Variants in CDKN1C observed in about 807,000 individuals in gnomAD.
CDKN1C encodes cyclin dependent kinase inhibitor 1C.
A neutral mutation model predicts 16.5 loss-of-function variants in CDKN1C; 7 were observed. That is an observed-to-expected ratio of 0.42 (90% CI 0.24 to 0.80). The LOEUF (loss-of-function observed/expected upper bound fraction) is 0.80. Among genes scored for constraint, CDKN1C ranks in the 30% least tolerant of loss-of-function variants. CDKN1C has a pLI of 0.26. For missense variants in CDKN1C, 429 were observed against 437.3 expected, an observed-to-expected ratio of 0.98 and a Z score of 0.17; for synonymous variants, 288 against 214.4, an observed-to-expected ratio of 1.34 and a Z score of -3.00.
chr11:2,885,416 A>G lies in CDKN1C; in HGVS notation c.41T>C (p.Val14Ala). 6.4e-7 allele frequency: 1 copy of G among 1,552,494 alleles called. No homozygotes were observed. Among genetic ancestry groups the G allele is most frequent in the Non-Finnish European group, 8.7e-7 (1 of 1,151,458 alleles). Residue 14 changes from valine (V) to alanine (A), a missense_variant, in exon 2 of 4, where the codon GTG (valine) becomes GCG (alanine). Transcript: ENST00000440480. ...GAGGCTGCGGCAGGCGCTGGTGCGC[A>G]CTAGTACTGGGAAGGTCCCACGGGC... is the stretch of plus-strand genomic sequence containing the variant. ...LVARGTFPVL[V>A]RTSACRSLFG...
In CDKN1C at chr11:2,883,703, G is replaced by T; in HGVS notation, c.*218C>A. The T allele has an allele frequency of 8.6e-7, 1 of 1,158,318 alleles. No homozygotes were observed. Among genetic ancestry groups the T allele is most frequent in the Non-Finnish European group, 1.1e-6 (1 of 876,586 alleles). The allele number at this position is 1,158,318 out of a possible 1,614,324, so 71.8% of individuals were successfully genotyped here. ...AATGACTCTTAAAGCTTTACACCTT[G>T]GGACCAGTGTACCTTCTCGTGCAGA... On this transcript the variant is annotated 3_prime_UTR_variant, in exon 4 of 4. Coordinates refer to ENST00000440480, the MANE Select transcript of CDKN1C (RefSeq NM_001122630.2).
rs780417247 is a variant in CDKN1C, at chr11:2,884,049, A to G, written c.873T>C (p.Pro291=). ...GGGTCTGCTCCACCGAGCCCACGCCAGGGGCGGCGCTTGGAGAGGGACACG... is the reference window on the plus strand; with the variant it reads ...GGGTCTGCTCCACCGAGCCCACGCCGGGGGCGGCGCTTGGAGAGGGACACG... ...PAPCPSPSAA[P]GVGSVEQTPR... The change falls in exon 3 of 4, where the codon CCT becomes CCC. Residue 291 remains proline, a synonymous_variant. Transcript: ENST00000440480. 28 of 1,555,032 alleles carry G rather than the reference A, an allele frequency of 1.8e-5. No individual in the cohort carries two copies. Among genetic ancestry groups the G allele is most frequent in the Non-Finnish European group, 2.3e-5 (27 of 1,150,014 alleles).
intron 2 of CDKN1C, 83 bp from the exon 3 acceptor site, chr11:2,884,217 G>A: frequency 1.8e-6 from 2 of 1,105,198 alleles, no homozygotes; most frequent in Non-Finnish European, 2.2e-6. Flanking sequence ...CGCGGGGCGC[G>A]GGCCGGCCGG....
chr11:2,885,557 G>C (rs994635074), intron 1 of CDKN1C, 77 bp downstream of exon 1: 6 of 1,525,538 alleles, frequency 3.9e-6, no homozygotes, highest in African/African-American at 1.4e-5. Context: ...GAAAGGAGAG[G>C]AGGAGAGGGC....
At chr11:2,884,241 T>G in intron 2 of CDKN1C, 107 bp from the exon 3 acceptor site, 1 of 740,190 alleles carries the variant, frequency 1.4e-6, no homozygotes, top group Non-Finnish European at 1.7e-6. Flanking sequence ...GGGGGCGCCG[T>G]CCCCGCCCGC....
In CDKN1C at chr11:2,883,974, G is replaced by GT. The variant is rs1554937434; in HGVS notation, c.*5+24_*5+25insA. The GT allele has an allele frequency of 1.9e-5, 29 of 1,554,014 alleles. No individual in the cohort carries two copies. In the Admixed American group the frequency reaches 5.1e-4, roughly 28 times the overall value. Reference sequence around the variant, plus strand: ...GGGACCCGGCGGGTCGGCCCTCCGCGCCCCCCCAGGTGCGCTGTACTCACT... The same window carrying GT: ...GGGACCCGGCGGGTCGGCCCTCCGCGTCCCCCCCAGGTGCGCTGTACTCACT... On this transcript the variant is annotated intron_variant, in intron 3 of 3. Coordinates refer to ENST00000440480, the MANE Select transcript of CDKN1C (RefSeq NM_001122630.2).
chr11:2,885,123 C>G lies in CDKN1C; in HGVS notation c.334G>C (p.Ala112Pro). ...TCCTCGAGGCCGTCGAGGGACTCAG[C>G]GGCCGGCTCGAGGGGCGGGCTGACA... The part of the protein sequence containing the change: ...VAVSPPLEPA[A>P]ESLDGLEEAP... The change falls in exon 2 of 4, where the codon GCT becomes CCT. Residue 112 changes from alanine to proline, a missense_variant. Transcript: ENST00000440480. The G allele has an allele frequency of 6.8e-7, 1 of 1,469,064 alleles. No individual in the cohort carries two copies. Among genetic ancestry groups the G allele is most frequent in the Non-Finnish European group, 8.9e-7 (1 of 1,121,412 alleles). 91.0% of individuals were successfully genotyped at this position (1,469,064 alleles called of 1,614,324 possible).
rs772704243 is a variant in CDKN1C at position 2,884,840 on chromosome 11, T to TCCGGGG, written c.611_616dup (p.Ala204_Pro205dup). The stretch of plus-strand genomic sequence containing the variant: ...CTCGGCGCTCTCTTGAGGCGCCGCG[T>TCCGGGG]CCGGGGCCGGGGCCGGGGCGGGGGC... On this transcript the variant is annotated inframe_insertion, in exon 2 of 4. Transcript: ENST00000440480. The TCCGGGG allele has an allele frequency of 1.2e-4, 134 of 1,129,312 alleles. No homozygotes were observed. The highest frequency in any genetic ancestry group is 1.2e-3 in the South Asian group (40 of 33,874). The allele number at this position is 1,129,312 out of a possible 1,614,324, so 70.0% of individuals were successfully genotyped here. A position where few individuals can be genotyped will look rare whatever the true frequency, so the allele number is the denominator to read the frequency against.
Position 2,883,700 on chromosome 11 carries a change from C to A in CDKN1C, c.*221G>T. 3.5e-6 allele frequency: 4 copies of A among 1,157,608 alleles called. No homozygotes were observed. Among genetic ancestry groups the A allele is most frequent in the Non-Finnish European group, 4.6e-6 (4 of 874,948 alleles). The allele number at this position is 1,157,608 out of a possible 1,614,324, so 71.7% of individuals were successfully genotyped here. The stretch of plus-strand genomic sequence containing the variant: ...ATAAATGACTCTTAAAGCTTTACAC[C>A]TTGGGACCAGTGTACCTTCTCGTGC... On this transcript the variant is annotated 3_prime_UTR_variant, in exon 4 of 4. Transcript: ENST00000440480.
Position 2,884,831 on chromosome 11 carries a change from G to A in CDKN1C, c.626C>T (p.Pro209Leu), listed in dbSNP as rs763289302. 1 of 1,264,862 alleles carries A rather than the reference G, an allele frequency of 7.9e-7. No homozygotes were observed. The highest frequency in any genetic ancestry group is 1.0e-6 in the Non-Finnish European group (1 of 1,001,630). The allele number at this position is 1,264,862 out of a possible 1,614,324, so 78.4% of individuals were successfully genotyped here. The change falls in exon 2 of 4, where the codon CCT becomes CTT. Residue 209 changes from proline (P) to leucine (L), a missense_variant. Physicochemically the swap from Pro to Leu is moderately conservative, Grantham distance 98 (BLOSUM62 -3). Coordinates refer to ENST00000440480, the MANE Select transcript of CDKN1C (RefSeq NM_001122630.2). ...PAPAPAPDAAPQESAEQGANQ... is the reference protein window; with the variant it reads ...PAPAPAPDAALQESAEQGANQ... ...CGCGCCCTGCTCGGCGCTCTCTTGA[G>A]GCGCCGCGTCCGGGGCCGGGGCCGG...
intron 3 of CDKN1C, 29 bp from the exon 4 acceptor site, chr11:2,883,944 C>T (rs757811709): frequency 2.5e-5 from 39 of 1,585,662 alleles, no homozygotes; most frequent in Non-Finnish European, 3.0e-5. Context: ...TCAGCAAAGC[C>T]GGCGGGGACC....
Position 2,885,232 on chromosome 11 carries a change from C to T in CDKN1C, c.225G>A (p.Ser75=). The change falls in exon 2 of 4, where the codon TCG becomes TCA. Residue 75 remains serine (S), a synonymous_variant. Coordinates refer to ENST00000440480, the MANE Select transcript of CDKN1C (RefSeq NM_001122630.2). ...RLQWTEVDSD[S]VPAFYRETVQ... ...CCGTCTCGCGGTAGAACGCGGGCAC[C>T]GAGTCGCTGTCCACTTCGGTCCACT... 6.4e-7 allele frequency: 1 copy of T among 1,551,918 alleles called. No homozygotes were observed.
intron 2 of CDKN1C, 88 bp from the exon 3 acceptor site, chr11:2,884,222 G>A: frequency 1.9e-6 from 2 of 1,057,370 alleles, no homozygotes; most frequent in Non-Finnish European, 2.3e-6. Context: ...GGCGCGGGCC[G>A]GCCGGGGTGG....
At chr11:2,883,960 G>C (rs1238398668) in intron 3 of CDKN1C, 39 bp downstream of exon 3, 1 of 1,565,988 alleles carries the variant, frequency 6.4e-7, no homozygotes, top group African/African-American at 1.4e-5. Flanking sequence ...GGACCCGGCG[G>C]GTCGGCCCTC....
In CDKN1C at chr11:2,885,094, C is replaced by T. The variant is rs1424698883; in HGVS notation, c.363G>A (p.Ala121=). 11 of 1,418,276 alleles carry T rather than the reference C, an allele frequency of 7.8e-6. No individual in the cohort carries two copies. The highest frequency in any genetic ancestry group is 1.5e-5 in the African/African-American group (1 of 66,048). The allele number at this position is 1,418,276 out of a possible 1,614,324, so 87.9% of individuals were successfully genotyped here. ...CCGGGACACTAGGCAGCTGCTCCGG[C>T]GCCTCCTCGAGGCCGTCGAGGGACT... ...AAESLDGLEE[A]PEQLPSVPVP... is the part of the protein sequence containing the mutation. The change falls in exon 2 of 4, where the codon GCG becomes GCA. Residue 121 remains alanine, a synonymous_variant. Transcript: ENST00000440480.
At chr11:2,884,209 C>T in intron 2 of CDKN1C, 75 bp from the exon 3 acceptor site, 6 of 1,169,360 alleles carry the variant, frequency 5.1e-6, no homozygotes, top group Non-Finnish European at 6.4e-6. Context: ...GGAGAGGGCG[C>T]GGGGCGCGGG....
In CDKN1C at chr11:2,885,225, C is replaced by T. The variant is rs1177512372; in HGVS notation, c.232G>A (p.Ala78Thr). ...ACCTGCACCGTCTCGCGGTAGAACG[C>T]GGGCACCGAGTCGCTGTCCACTTCG... ...WTEVDSDSVP[A>T]FYRETVQVGR... Residue 78 changes from alanine (A) to threonine (T), a missense_variant, in exon 2 of 4, where the codon GCG (alanine) becomes ACG (threonine). Physicochemically the swap from Ala to Thr is moderately conservative, Grantham distance 58. Coordinates refer to ENST00000440480, the MANE Select transcript of CDKN1C (RefSeq NM_001122630.2). The T allele has an allele frequency of 1.9e-5, 29 of 1,548,978 alleles. No homozygotes were observed. The highest frequency in any genetic ancestry group is 2.5e-5 in the Non-Finnish European group (29 of 1,149,442).
rs772704243 is a variant in CDKN1C, at chr11:2,884,840, TCCGGGG to T, written c.611_616del (p.Ala204_Pro205del). ...CTCGGCGCTCTCTTGAGGCGCCGCG[TCCGGGG>T]CCGGGGCCGGGGCGGGGGCCGGGGC... is the stretch of plus-strand genomic sequence containing the variant. On this transcript the variant is annotated inframe_deletion, in exon 2 of 4. Transcript: ENST00000440480. 1.2e-5 allele frequency: 13 copies of T among 1,129,236 alleles called. No individual in the cohort carries two copies. The highest frequency in any genetic ancestry group is 3.6e-5 in the African/African-American group (2 of 55,726). 70.0% of individuals were successfully genotyped at this position (1,129,236 alleles called of 1,614,324 possible). A position where few individuals can be genotyped will look rare whatever the true frequency, so the allele number is the denominator to read the frequency against.
chr11:2,883,973 CG>C (rs1590147451), intron 3 of CDKN1C, 25 bp downstream of exon 3: 1 of 1,541,758 alleles, frequency 6.5e-7, no homozygotes. Flanking sequence ...CGGCCCTCCG[CG>C]CCCCCCCAGG....
Sources: allele counts gnomAD v4.1 joint callset, GRCh38; gene constraint gnomAD v4.1.1; transcripts MANE v1.5; gene names NCBI Gene and HGNC (gene_info 2026-07-23, HGNC 2026-07-21).